Variants in TMEM178B observed in about 807,000 individuals in gnomAD.
TMEM178B encodes transmembrane protein 178B.
Under a neutral mutation model 31.0 loss-of-function variants are expected in TMEM178B, and 5 were observed. That is an observed-to-expected ratio of 0.16 (90% confidence interval 0.08 to 0.34). TMEM178B has a LOEUF of 0.34. Among genes scored for constraint, TMEM178B ranks in the 10% least tolerant of loss-of-function variants. The pLI is 1.00. For missense variants in TMEM178B, 275 were observed against 400.3 expected (o/e 0.69, Z 2.67); for synonymous variants, 164 against 164.0 (o/e 1.00, Z 0.00).
chr7:141,117,820 A>G (rs899836782), intron 1 of TMEM178B, among the ~76,000 whole-genome samples: 1 of 152,150 alleles, frequency 6.6e-6, no homozygotes, highest in Non-Finnish European at 1.5e-5. Flanking sequence ...AGATGGTTGT[A>G]GATGTGTGGC....
At chr7:141,195,437 C>T (rs1796766379) in intron 1 of TMEM178B, among the ~76,000 whole-genome samples, 1 of 152,240 alleles carries the variant, frequency 6.6e-6, no homozygotes, top group Non-Finnish European at 1.5e-5. Context: ...TTTGCTAAAA[C>T]ATAACAGGAG....
chr7:141,147,082 G>A (rs541253186), intron 1 of TMEM178B, among the ~76,000 whole-genome samples: 1 of 152,210 alleles, frequency 6.6e-6, no homozygotes, highest in Non-Finnish European at 1.5e-5. Flanking sequence ...ATGTGCAGGT[G>A]TCTTATATGG....
intron 2 of TMEM178B, among the ~76,000 whole-genome samples, chr7:141,350,016 C>T (rs1402664245): frequency 6.6e-6 from 1 of 152,038 alleles, no homozygotes; most frequent in African/African-American, 2.4e-5. Flanking sequence ...TCCATCCATG[C>T]ATCTATCTGT....
rs142778111 is a variant in TMEM178B, at chr7:141,359,821, G to A, written c.497-77787G>A. On this transcript the variant is annotated intron_variant, in intron 2 of 3. Coordinates refer to ENST00000565468, the MANE Select transcript of TMEM178B (RefSeq NM_001195278.2). Reference sequence around the variant, plus strand: ...CTGGGTAATTTATAAAGAAAAAGAGGTTTAATGGACTCACAGTTCTACGTG... The same window carrying A: ...CTGGGTAATTTATAAAGAAAAAGAGATTTAATGGACTCACAGTTCTACGTG... Among the ~76,000 whole-genome samples the A allele has an allele frequency of 6.4e-4, 98 of 152,282 alleles. 2 individuals are homozygous for A. The East Asian group carries it at 0.013, about 21-fold the overall frequency.
Position 141,470,922 on chromosome 7 carries a change from G to A in TMEM178B, c.*136G>A, listed in dbSNP as rs565075408. On this transcript the variant is annotated 3_prime_UTR_variant, in exon 4 of 4. Transcript: ENST00000565468. ...TTGGCTCAGGCACCTGCATCTCGCC[G>A]GACTTTGTGTTGCCTCATCTCTGAG... 21 of 421,522 alleles carry A rather than the reference G, an allele frequency of 5.0e-5. No homozygotes were observed. The highest frequency in any genetic ancestry group is 1.7e-4 in the Admixed American group (3 of 17,680). 26.1% of individuals were successfully genotyped at this position (421,522 alleles called of 1,614,324 possible). A position where few individuals can be genotyped will look rare whatever the true frequency, so the allele number is the denominator to read the frequency against.
intron 1 of TMEM178B, among the ~76,000 whole-genome samples, chr7:141,182,924 G>A (rs1042633295): frequency 6.6e-6 from 1 of 152,172 alleles, no homozygotes; most frequent in Non-Finnish European, 1.5e-5. Flanking sequence ...CCAGTCTCGA[G>A]TATGTGTTTA....
At chr7:141,411,161 C>T (rs1409048419) in intron 2 of TMEM178B, among the ~76,000 whole-genome samples, 1 of 149,546 alleles carries the variant, frequency 6.7e-6, no homozygotes, top group Non-Finnish European at 1.5e-5. Context: ...TGGTTGAATG[C>T]GTAGAGAAAT....
rs964723010 is a variant in TMEM178B, at chr7:141,474,051, TAA to T, written c.*3267_*3268del. 5 of 152,312 alleles carry T rather than the reference TAA, an allele frequency of 3.3e-5. No individual in the cohort carries two copies. Among genetic ancestry groups the T allele is most frequent in the African/African-American group, 1.2e-4 (5 of 41,570 alleles). The allele number at this position is 152,312 out of a possible 1,614,324, so 9.4% of individuals were successfully genotyped here. Reference sequence around the variant, plus strand: ...GGGCATTTAGGGTCAATGACCTCACTAAAGTCACCAGCCGCAACCCCAGGTCA... The same window carrying T: ...GGGCATTTAGGGTCAATGACCTCACTAGTCACCAGCCGCAACCCCAGGTCA... On this transcript the variant is annotated 3_prime_UTR_variant, in exon 4 of 4. Transcript: ENST00000565468.
chr7:141,282,127 GT>G (rs762111792), intron 2 of TMEM178B, among the ~76,000 whole-genome samples: 6 of 152,168 alleles, frequency 3.9e-5, no homozygotes, highest in Non-Finnish European at 7.3e-5. Flanking sequence ...GAAAGAAGAG[GT>G]GTTTAGAAGG....
chr7:141,392,097 A>T (rs187071181), intron 2 of TMEM178B, among the ~76,000 whole-genome samples: 2 of 151,598 alleles, frequency 1.3e-5, no homozygotes, highest in African/African-American at 2.4e-5. Context: ...TTGTTTTATT[A>T]TGAAAAATTT....
chr7:141,350,646 A>G (rs1799703939), intron 2 of TMEM178B, among the ~76,000 whole-genome samples: 1 of 152,228 alleles, frequency 6.6e-6, no homozygotes, highest in Admixed American at 6.5e-5. Context: ...TAATGTTATT[A>G]TAGTAAGAAA....
intron 2 of TMEM178B, among the ~76,000 whole-genome samples, chr7:141,362,858 A>G (rs1374224261): frequency 6.6e-6 from 1 of 152,222 alleles, no homozygotes; most frequent in Non-Finnish European, 1.5e-5. Context: ...GGAGCGACAG[A>G]GACACTCAGG....
chr7:141,417,191 C>T (rs1472250926), intron 2 of TMEM178B, among the ~76,000 whole-genome samples: 1 of 152,168 alleles, frequency 6.6e-6, no homozygotes, highest in Non-Finnish European at 1.5e-5. Context: ...CATTCATGCT[C>T]CTACCAAATG....
chr7:141,215,429 G>A (rs1797117133), intron 2 of TMEM178B, among the ~76,000 whole-genome samples: 2 of 151,686 alleles, frequency 1.3e-5, no homozygotes, highest in South Asian at 2.1e-4. Context: ...GGGTTCATGC[G>A]ATTCTCCTGC....
intron 2 of TMEM178B, among the ~76,000 whole-genome samples, chr7:141,341,848 C>T (rs1374345483): frequency 6.6e-6 from 1 of 152,220 alleles, no homozygotes; most frequent in African/African-American, 2.4e-5. Context: ...ACCTGGGACA[C>T]TTCCTACACT....
At chr7:141,228,294 A>G (rs551814075) in intron 2 of TMEM178B, among the ~76,000 whole-genome samples, 37 of 152,308 alleles carry the variant, frequency 2.4e-4, no homozygotes, top group African/African-American at 7.0e-4. Context: ...AGTCCAAGAT[A>G]TCAGAATTAC....
rs117759407 is a variant in TMEM178B, at chr7:141,212,080, G to T, written c.383-511G>T. 4.5e-3 allele frequency among the ~76,000 whole-genome samples: 686 copies of T among 152,310 alleles called. 6 individuals carry two copies. Among genetic ancestry groups the T allele is most frequent in the South Asian group, 8.5e-3 (41 of 4,828 alleles). ...ACCTGAAAAGAGACTAGTTCAAAGA[G>T]ACACGGATTGATCTGAGTGCTTTGT... On this transcript the variant is annotated intron_variant, in intron 1 of 3. Coordinates refer to ENST00000565468, the MANE Select transcript of TMEM178B (RefSeq NM_001195278.2).
At chr7:141,167,553 C>A (rs1239959049) in intron 1 of TMEM178B, among the ~76,000 whole-genome samples, 1 of 152,224 alleles carries the variant, frequency 6.6e-6, no homozygotes, top group Non-Finnish European at 1.5e-5. Context: ...GGGCCTGGAT[C>A]TATGTCACTG....
rs1425749164 is a variant in TMEM178B at position 141,473,761 on chromosome 7, A to G, written c.*2975A>G. 6.6e-6 allele frequency: 1 copy of G among 152,220 alleles called. No homozygotes were observed. Among genetic ancestry groups the G allele is most frequent in the Non-Finnish European group, 1.5e-5 (1 of 68,074 alleles). 9.4% of individuals were successfully genotyped at this position (152,220 alleles called of 1,614,324 possible). On this transcript the variant is annotated 3_prime_UTR_variant, in exon 4 of 4. Transcript: ENST00000565468. ...GGGATCTGATCCTGCTGGGAAGCAA[A>G]AGACGCCCAGCCACATGACCAGGAT...
Sources: gnomAD v4.1 joint callset for allele counts (sites outside exome capture counted in the v4.1 genomes callset) on GRCh38, gnomAD v4.1.1 for gene constraint, MANE v1.5 for transcripts, NCBI Gene and HGNC (gene_info 2026-07-23, HGNC 2026-07-21) for gene names.